CDK19: variants seen among roughly 807,000 people sequenced by gnomAD.
The protein encoded by CDK19 is cyclin dependent kinase 19.
A neutral mutation model predicts 68.3 loss-of-function variants in CDK19; 20 were observed. The observed-to-expected ratio is 0.29, with a 90% CI of 0.21 to 0.43. The LOEUF is 0.43. CDK19 is among the 20% of genes least tolerant of loss of function. The probability of loss-of-function intolerance (pLI) is 1.00; values close to 1 mark genes in which losing one functional copy is unlikely to be tolerated. For missense variants in CDK19, 339 were observed against 623.5 expected, an observed-to-expected ratio of 0.54 and a Z score of 4.86; for synonymous variants, 221 against 222.8, an observed-to-expected ratio of 0.99 and a Z score of 0.07.
intron 2 of CDK19, among the ~76,000 whole-genome samples, chr6:110,684,946 C>A (rs1772330964): frequency 6.6e-6 from 1 of 152,144 alleles, no homozygotes; most frequent in Non-Finnish European, 1.5e-5. Context: ...AGAGACCAGG[C>A]TGGCCAACAT....
At chr6:110,667,358 T>G (rs1159620566) in intron 4 of CDK19, 76 bp downstream of exon 4, 1 of 966,174 alleles carries the variant, frequency 1.0e-6, no homozygotes, top group Admixed American at 2.7e-5. Flanking sequence ...TTTATTATAA[T>G]GGTACCAAGA....
chr6:110,662,032 C>T (rs1447783972), intron 4 of CDK19, among the ~76,000 whole-genome samples: 9 of 152,116 alleles, frequency 5.9e-5, no homozygotes, highest in Admixed American at 2.0e-4. Context: ...TGCAGTGGCA[C>T]GATCTCGGCT....
intron 1 of CDK19, among the ~76,000 whole-genome samples, chr6:110,751,933 T>C (rs1778499033): frequency 1.3e-5 from 2 of 152,142 alleles, no homozygotes; most frequent in South Asian, 4.1e-4. Context: ...AGAAGAATGA[T>C]GAAATAAATC....
chr6:110,756,433 C>T (rs1231378825), intron 1 of CDK19, among the ~76,000 whole-genome samples: 1 of 150,280 alleles, frequency 6.7e-6, no homozygotes, highest in South Asian at 2.1e-4. Flanking sequence ...TGTGGTGGCT[C>T]GCCCCTTGGT....
At chr6:110,676,991 T>C (rs1771587070) in intron 2 of CDK19, among the ~76,000 whole-genome samples, 1 of 152,214 alleles carries the variant, frequency 6.6e-6, no homozygotes, top group African/African-American at 2.4e-5. Flanking sequence ...AGCGTCAATA[T>C]GCACTTTCTA....
In CDK19 at chr6:110,612,162, T is replaced by C. The variant is rs531297465; in HGVS notation, c.*2373A>G. ...TGGTTTACATATCTATCTGGGTTTG[T>C]CTTCTTTTATTAAAGGTAACCTCCT... On this transcript the variant is annotated 3_prime_UTR_variant, in exon 13 of 13. Coordinates refer to ENST00000368911, the MANE Select transcript of CDK19 (RefSeq NM_015076.5). The C allele has an allele frequency of 1.3e-5, 2 of 152,376 alleles. No individual in the cohort carries two copies. Among genetic ancestry groups the C allele is most frequent in the South Asian group, 4.1e-4 (2 of 4,826 alleles). The allele number at this position is 152,376 out of a possible 1,614,324, so 9.4% of individuals were successfully genotyped here.
intron 2 of CDK19, among the ~76,000 whole-genome samples, chr6:110,672,180 C>T (rs1320025804): frequency 6.6e-6 from 1 of 152,178 alleles, no homozygotes; most frequent in East Asian, 1.9e-4. Context: ...ATGACTGTCT[C>T]CTTCTTTCTG....
chr6:110,677,186 A>G (rs1771601419), intron 2 of CDK19, among the ~76,000 whole-genome samples: 1 of 152,196 alleles, frequency 6.6e-6, no homozygotes, highest in South Asian at 2.1e-4. Flanking sequence ...TTAACTGATC[A>G]TCTGTCACTA....
intron 1 of CDK19, chr6:110,813,038 C>T (rs1332431274): frequency 7.5e-5 from 11 of 145,968 alleles, no homozygotes; most frequent in Non-Finnish European, 1.6e-4. Flanking sequence ...GCTTTCAGAT[C>T]CTGAGAGGTT....
Position 110,714,883 on chromosome 6 carries a change from G to A in CDK19, c.204+31243C>T, listed in dbSNP as rs369341415. On this transcript the variant is annotated intron_variant, in intron 2 of 12. Transcript: ENST00000368911. ...CAAGTAGCTGGAATTACAGGCATGC[G>A]CCACCACGCCCGGCTAATTTCTGTA... is the stretch of plus-strand genomic sequence containing the variant. 1.3e-3 allele frequency among the ~76,000 whole-genome samples: 202 copies of A among 151,786 alleles called. 1 individual carries two copies. The highest frequency in any genetic ancestry group is 4.8e-3 in the African/African-American group (197 of 41,420).
intron 2 of CDK19, among the ~76,000 whole-genome samples, chr6:110,731,531 G>A (rs1270625335): frequency 6.6e-6 from 1 of 152,178 alleles, no homozygotes; most frequent in Non-Finnish European, 1.5e-5. Flanking sequence ...GGTGATGGTT[G>A]CACGACGTGT....
chr6:110,772,975 G>A (rs548849513), intron 1 of CDK19, among the ~76,000 whole-genome samples: 3 of 151,000 alleles, frequency 2.0e-5, no homozygotes, highest in South Asian at 2.1e-4. Flanking sequence ...TAGCACTTTG[G>A]GAGGCTAAGG....
intron 2 of CDK19, among the ~76,000 whole-genome samples, chr6:110,675,496 G>A (rs890381785): frequency 7.2e-5 from 11 of 151,846 alleles, no homozygotes; most frequent in East Asian, 3.9e-4. Flanking sequence ...GTGTGGTGGC[G>A]CATGCCTGTA....
chr6:110,651,558 A>G (rs2114264827), intron 4 of CDK19, among the ~76,000 whole-genome samples: 1 of 151,074 alleles, frequency 6.6e-6, no homozygotes, highest in East Asian at 2.0e-4. Context: ...CATGGTGAAA[A>G]CCCCATCTCT....
intron 1 of CDK19, among the ~76,000 whole-genome samples, chr6:110,800,606 T>A (rs1399694119): frequency 6.6e-6 from 1 of 152,020 alleles, no homozygotes; most frequent in African/African-American, 2.4e-5. Flanking sequence ...TTCACTACGA[T>A]CAAGTGGGCT....
intron 1 of CDK19, among the ~76,000 whole-genome samples, chr6:110,760,013 T>C (rs1449682978): frequency 6.6e-6 from 1 of 152,136 alleles, no homozygotes; most frequent in South Asian, 2.1e-4. Flanking sequence ...AAACAAAAAG[T>C]AATACTATCC....
In CDK19 at chr6:110,673,934, G is replaced by A. The variant is rs573421574; in HGVS notation, c.205-3393C>T. ...CATATGTCATACAGATAGTTACTTC[G>A]TTGCTTCACAGATACTGTGTTTTTC... On this transcript the variant is annotated intron_variant, in intron 2 of 12. Coordinates refer to ENST00000368911, the MANE Select transcript of CDK19 (RefSeq NM_015076.5). Among the ~76,000 whole-genome samples the A allele has an allele frequency of 1.1e-4, 17 of 152,066 alleles. No homozygotes were observed. The South Asian group carries it at 3.3e-3, about 30-fold the overall frequency.
chr6:110,788,348 G>C (rs1435525024), intron 1 of CDK19, among the ~76,000 whole-genome samples: 1 of 151,764 alleles, frequency 6.6e-6, no homozygotes, highest in Non-Finnish European at 1.5e-5. Context: ...TTAAGAGACA[G>C]GGTCCCATTA....
rs908147468 is a variant in CDK19, at chr6:110,692,436, G to GA, written c.205-21896dup. Among the ~76,000 whole-genome samples the GA allele has an allele frequency of 1.9e-4, 27 of 145,602 alleles. No homozygotes were observed. In the East Asian group the frequency reaches 3.0e-3, roughly 16 times the overall value. On this transcript the variant is annotated intron_variant, in intron 2 of 12. Transcript: ENST00000368911. Reference sequence around the variant, plus strand: ...TTTTGAACTAACCCAATCACAAAAGGAAAAAAAAAAGAATTTGAAAAATGA... The same window carrying GA: ...TTTTGAACTAACCCAATCACAAAAGGAAAAAAAAAAAGAATTTGAAAAATGA...
Sources: gnomAD v4.1 joint callset for allele counts (sites outside exome capture counted in the v4.1 genomes callset) on GRCh38, gnomAD v4.1.1 for gene constraint, MANE v1.5 for transcripts, NCBI Gene and HGNC (gene_info 2026-07-23, HGNC 2026-07-21) for gene names.